Variants in CHMP5 observed in about 807,000 individuals in gnomAD.
The protein encoded by CHMP5 is charged multivesicular body protein 5.
In CHMP5, 17 loss-of-function variants were observed where a neutral mutation model predicts 33.0. That is an observed-to-expected ratio of 0.52 (90% confidence interval 0.35 to 0.77). The LOEUF is 0.77. CHMP5 is among the 30% of genes least tolerant of loss of function. The pLI, the probability that CHMP5 is intolerant of heterozygous loss-of-function variation, is 0.01. For synonymous variants in CHMP5, 76 were observed against 90.2 expected (o/e 0.84, Z 0.89); for missense variants, 216 against 261.5 (o/e 0.83, Z 1.20).
In CHMP5 at chr9:33,276,560, A is replaced by G. The variant is rs768651661; in HGVS notation, c.492A>G (p.Glu164=). The G allele has an allele frequency of 1.9e-6, 3 of 1,576,884 alleles. No homozygotes were observed. Among genetic ancestry groups the G allele is most frequent in the South Asian group, 2.2e-5 (2 of 89,786 alleles). ...GTPELDEDDL[E]AELDALGDEL... is the part of the protein sequence containing the mutation. ...CAGAACTGGATGAAGATGATTTAGAAGCAGGTAAGTTATGAGAAAAGTAAT... is the reference window on the plus strand; with the variant it reads ...CAGAACTGGATGAAGATGATTTAGAGGCAGGTAAGTTATGAGAAAAGTAAT... Residue 164 remains glutamate, a synonymous_variant, in exon 6 of 8, where the codon GAA becomes GAG. Transcript: ENST00000223500.
chr9:33,275,416 C>T (rs183969540), intron 5 of CHMP5, among the ~76,000 whole-genome samples: 1 of 152,240 alleles, frequency 6.6e-6, no homozygotes, highest in East Asian at 1.9e-4. Context: ...GACACCTATC[C>T]TGATTCCCTT....
intron 6 of CHMP5, among the ~76,000 whole-genome samples, chr9:33,277,119 C>T (rs986918475): frequency 3.3e-5 from 5 of 150,084 alleles, no homozygotes; most frequent in Non-Finnish European, 3.0e-5. Flanking sequence ...TCACTTGATC[C>T]CAGGAGGTAG....
rs200921816 is a variant in CHMP5 at position 33,265,143 on chromosome 9, G to A, written c.65G>A (p.Gly22Asp). 3.0e-5 allele frequency: 49 copies of A among 1,614,020 alleles called. No homozygotes were observed. The African/African-American group carries it at 5.7e-4, about 19-fold the overall frequency. ...CCGCCCAGCCTGACTGACTGCATTGGCACGGTGGGCATTTGATCATGCATA... is the reference window on the plus strand; with the variant it reads ...CCGCCCAGCCTGACTGACTGCATTGACACGGTGGGCATTTGATCATGCATA... ...APPPSLTDCI[G>D]TVDSRAESID... The change falls in exon 1 of 8, where the codon GGC becomes GAC. Residue 22 changes from glycine (G) to aspartate (D), a missense_variant. Physicochemically the swap from Gly to Asp is moderately conservative, Grantham distance 94 (BLOSUM62 -1). Transcript: ENST00000223500.
chr9:33,266,447 A>G (rs706123), intron 2 of CHMP5, among the ~76,000 whole-genome samples: 152,087 of 152,350 alleles, frequency 1, 75,912 homozygotes, highest in Middle Eastern at 1. Flanking sequence ...ACTCTAGCCC[A>G]AGTGACAGTG....
intron 5 of CHMP5, among the ~76,000 whole-genome samples, chr9:33,271,868 C>T (rs1444883156): frequency 2.0e-5 from 3 of 152,090 alleles, no homozygotes; most frequent in Non-Finnish European, 2.9e-5. Context: ...TTAACTAATT[C>T]GATGATATTT....
At chr9:33,265,618 C>T (rs1820706572) in intron 1 of CHMP5, among the ~76,000 whole-genome samples, 1 of 152,164 alleles carries the variant, frequency 6.6e-6, no homozygotes, top group African/African-American at 2.4e-5. Context: ...AAGCCACCAT[C>T]CCCGATTTAG....
chr9:33,269,101 C>G (rs1407991166), intron 3 of CHMP5, among the ~76,000 whole-genome samples: 4 of 152,094 alleles, frequency 2.6e-5, no homozygotes, highest in Non-Finnish European at 2.9e-5. Flanking sequence ...AACATAGTGA[C>G]ATAAGTCTTT....
At chr9:33,279,327 G>A (rs936557674) in intron 7 of CHMP5, among the ~76,000 whole-genome samples, 2 of 152,226 alleles carry the variant, frequency 1.3e-5, no homozygotes, top group African/African-American at 4.8e-5. Context: ...AGAGCAAAGG[G>A]CAGGGAGCAG....
intron 3 of CHMP5, among the ~76,000 whole-genome samples, chr9:33,269,514 TA>T (rs1349347834): frequency 2.0e-5 from 3 of 151,028 alleles, no homozygotes; most frequent in African/African-American, 7.3e-5. Context: ...AACAAATAAA[TA>T]AGTAAATAAA....
At chr9:33,278,630 T>A (rs1820883046) in intron 7 of CHMP5, among the ~76,000 whole-genome samples, 1 of 151,662 alleles carries the variant, frequency 6.6e-6, no homozygotes, top group Non-Finnish European at 1.5e-5. Context: ...TTATTTTCCT[T>A]TCTTTTTCTT....
chr9:33,270,585 G>C (rs766167544), intron 3 of CHMP5, 38 bp from the exon 4 acceptor site: 1 of 1,438,054 alleles, frequency 7.0e-7, no homozygotes, highest in East Asian at 2.3e-5. Context: ...ATTTCTATCT[G>C]GTTCATATAT....
In CHMP5 at chr9:33,265,988, G is replaced by A. The variant is rs191099219; in HGVS notation, c.70-22G>A. 9.4e-5 allele frequency: 140 copies of A among 1,488,428 alleles called. No homozygotes were observed. The East Asian group carries it at 3.1e-3, about 33-fold the overall frequency. The allele number at this position is 1,488,428 out of a possible 1,614,324, so 92.2% of individuals were successfully genotyped here. On this transcript the variant is annotated intron_variant, in intron 1 of 7. Coordinates refer to ENST00000223500, the MANE Select transcript of CHMP5 (RefSeq NM_016410.6). ...TAAGTGTATTGCAGTAACTACCAGT[G>A]CATTTGATATTTTCCCCTAAGGTGG...
chr9:33,277,489 A>G (rs1564088058), intron 6 of CHMP5, among the ~76,000 whole-genome samples: 1 of 152,206 alleles, frequency 6.6e-6, no homozygotes, highest in Non-Finnish European at 1.5e-5. Flanking sequence ...GGATAGCATG[A>G]AAAAATGAGA....
Position 33,280,966 on chromosome 9 carries a change from T to G in CHMP5, c.*107T>G. The G allele has an allele frequency of 1.1e-6, 1 of 877,052 alleles. No homozygotes were observed. The highest frequency in any genetic ancestry group is 2.7e-5 in the East Asian group (1 of 36,536). The allele number at this position is 877,052 out of a possible 1,614,324, so 54.3% of individuals were successfully genotyped here. On this transcript the variant is annotated 3_prime_UTR_variant, in exon 8 of 8. Transcript: ENST00000223500. ...ACAGATTTAGGTTTCTTTCCTTTCT[T>G]TGAAGGAAAGTTTAATTACATTGCT...
intron 7 of CHMP5, among the ~76,000 whole-genome samples, chr9:33,279,539 C>T (rs1286201856): frequency 6.6e-6 from 1 of 151,994 alleles, no homozygotes; most frequent in Admixed American, 6.6e-5. Context: ...TTAATACTAC[C>T]ATAGTCCACC....
intron 5 of CHMP5, 113 bp downstream of exon 5, chr9:33,271,336 T>C: frequency 3.6e-6 from 3 of 837,446 alleles, no homozygotes; most frequent in South Asian, 1.5e-5. Context: ...GGGGCTGCCA[T>C]TTACTAGTAG....
intron 3 of CHMP5, 78 bp downstream of exon 3, chr9:33,267,977 T>C: frequency 1.0e-6 from 1 of 962,034 alleles, no homozygotes; most frequent in Non-Finnish European, 1.7e-6. Context: ...CAGGTTTTCA[T>C]ACTATTTTCT....
chr9:33,280,213 A>G (rs1327680856), intron 7 of CHMP5, among the ~76,000 whole-genome samples: 2 of 152,102 alleles, frequency 1.3e-5, no homozygotes, highest in African/African-American at 4.8e-5. Flanking sequence ...CTGACCTCAA[A>G]TGATCCACCT....
At chr9:33,272,098 G>A (rs528268079) in intron 5 of CHMP5, among the ~76,000 whole-genome samples, 1 of 152,244 alleles carries the variant, frequency 6.6e-6, no homozygotes, top group South Asian at 2.1e-4. Context: ...TTTGACCAGG[G>A]AGATGAGCCC....
Sources: gnomAD v4.1 joint callset for allele counts (sites outside exome capture counted in the v4.1 genomes callset) on GRCh38, gnomAD v4.1.1 for gene constraint, MANE v1.5 for transcripts, NCBI Gene and HGNC (gene_info 2026-07-23, HGNC 2026-07-21) for gene names.